RNF217: variants seen among roughly 807,000 people sequenced by gnomAD.
RNF217 encodes E3 ubiquitin-protein ligase RNF217.
In RNF217, 31 loss-of-function variants were observed where a neutral mutation model predicts 57.8. That is an observed-to-expected ratio of 0.54 (90% confidence interval 0.40 to 0.72). The LOEUF (loss-of-function observed/expected upper bound fraction) is 0.72, where lower values mean the gene tolerates loss of function less well. Ranked by LOEUF, RNF217 falls within the 30% of genes least tolerant of loss-of-function variation. RNF217 has a pLI of 0.00. For synonymous variants in RNF217, 313 were observed against 294.0 expected (o/e 1.06, Z -0.66); for missense variants, 696 against 708.3 (o/e 0.98, Z 0.20).
chr6:125,050,307 C>A (rs1354958279), intron 2 of RNF217, among the ~76,000 whole-genome samples: 2 of 151,884 alleles, frequency 1.3e-5, no homozygotes, highest in Non-Finnish European at 1.5e-5. Context: ...GACTAATAAT[C>A]CCCATTCTTC....
chr6:125,048,231 C>T (rs756658478), intron 2 of RNF217: 1 of 1,356,370 alleles, frequency 7.4e-7, no homozygotes, highest in South Asian at 1.2e-5. Flanking sequence ...TGTACTGAGA[C>T]TAAGATCTTT....
intron 2 of RNF217, among the ~76,000 whole-genome samples, chr6:125,048,948 A>G (rs1261879699): frequency 1.3e-5 from 2 of 152,056 alleles, no homozygotes; most frequent in African/African-American, 4.8e-5. Flanking sequence ...AGAGATTTAC[A>G]TTCAGACAAC....
intron 1 of RNF217, chr6:125,009,351 C>A: frequency 9.7e-7 from 1 of 1,029,378 alleles, no homozygotes; most frequent in Non-Finnish European, 1.5e-6. Context: ...CTTCAAAACA[C>A]CTCCTGTGAA....
chr6:125,025,090 A>G (rs77760169), intron 1 of RNF217, among the ~76,000 whole-genome samples: 1 of 152,142 alleles, frequency 6.6e-6, no homozygotes, highest in Non-Finnish European at 1.5e-5. Flanking sequence ...CAGGAATGTG[A>G]TGTGCTAGAG....
intron 3 of RNF217, among the ~76,000 whole-genome samples, chr6:125,060,533 C>T (rs1035979561): frequency 6.6e-6 from 1 of 152,144 alleles, no homozygotes; most frequent in Non-Finnish European, 1.5e-5. Flanking sequence ...CAACCTTCGC[C>T]TCCCAGGCTC....
intron 2 of RNF217, among the ~76,000 whole-genome samples, chr6:125,051,310 A>G (rs1278752517): frequency 6.6e-6 from 1 of 151,970 alleles, no homozygotes; most frequent in Non-Finnish European, 1.5e-5. Flanking sequence ...CACAATGAAC[A>G]AGTGAAGAAT....
chr6:125,082,764 G>A, intron 5 of RNF217, 100 bp from the exon 6 acceptor site: 1 of 1,125,276 alleles, frequency 8.9e-7, no homozygotes, highest in Non-Finnish European at 1.3e-6. Flanking sequence ...CTTCTTCTTT[G>A]TATGTTCGTA....
At chr6:125,034,853 T>C (rs1275182018) in intron 1 of RNF217, among the ~76,000 whole-genome samples, 1 of 152,116 alleles carries the variant, frequency 6.6e-6, no homozygotes, top group African/African-American at 2.4e-5. Context: ...TCCATTTGTT[T>C]GTATCCTCTT....
intron 2 of RNF217, among the ~76,000 whole-genome samples, chr6:125,053,234 A>G (rs1255666964): frequency 6.6e-6 from 1 of 152,064 alleles, no homozygotes; most frequent in African/African-American, 2.4e-5. Context: ...ATATGCCTTT[A>G]TAGCTCTTTT....
rs148133198 is a variant in RNF217 at position 125,040,422 on chromosome 6, C to T, written c.883-4789C>T. Among the ~76,000 whole-genome samples the T allele has an allele frequency of 2.2e-4, 33 of 152,236 alleles. No individual in the cohort carries two copies. In the East Asian group the frequency reaches 6.2e-3, roughly 29 times the overall value. ...GTTGAATCCCTGAATAGACCAATAA[C>T]AAGTTCTGAAATTGAGGCAGTAATT... On this transcript the variant is annotated intron_variant, in intron 1 of 5. Transcript: ENST00000521654.
chr6:124,973,692 AGTGAACTACT>A (rs1233259136), intron 1 of RNF217, among the ~76,000 whole-genome samples: 1 of 152,244 alleles, frequency 6.6e-6, no homozygotes, highest in Non-Finnish European at 1.5e-5. Flanking sequence ...GCATCAATCC[AGTGAACTACT>A]GTGGCCTGAG....
At chr6:125,019,505 T>C (rs976077501) in intron 1 of RNF217, among the ~76,000 whole-genome samples, 1 of 152,206 alleles carries the variant, frequency 6.6e-6, no homozygotes, top group Non-Finnish European at 1.5e-5. Context: ...GTTATTCTTA[T>C]ATGACTATTA....
chr6:125,076,907 G>A lies in RNF217; in HGVS notation c.1483+49G>A, dbSNP rs138920138. The A allele has an allele frequency of 9.4e-4, 1,422 of 1,513,928 alleles. 20 individuals are homozygous for A. In the African/African-American group the frequency reaches 0.017, roughly 19 times the overall value. The allele number at this position is 1,513,928 out of a possible 1,614,324, so 93.8% of individuals were successfully genotyped here. Reference sequence around the variant, plus strand: ...GTGTCTTCCCTGGGAATTAAGTAGTGAAAATAGAACTTGGAAATGTGCAGC... The same window carrying A: ...GTGTCTTCCCTGGGAATTAAGTAGTAAAAATAGAACTTGGAAATGTGCAGC... On this transcript the variant is annotated intron_variant, in intron 4 of 5. Coordinates refer to ENST00000521654, the MANE Select transcript of RNF217 (RefSeq NM_001286398.3).
intron 1 of RNF217, among the ~76,000 whole-genome samples, chr6:125,041,132 A>T (rs1225261823): frequency 3.3e-5 from 5 of 152,120 alleles, no homozygotes; most frequent in Non-Finnish European, 7.4e-5. Context: ...AATTAGCTTG[A>T]TTAATATATA....
Position 125,049,115 on chromosome 6 carries a change from G to A in RNF217, c.1116+3671G>A, listed in dbSNP as rs141088533. 2.0e-3 allele frequency among the ~76,000 whole-genome samples: 297 copies of A among 152,090 alleles called. 2 individuals are homozygous for A. The highest frequency in any genetic ancestry group is 6.8e-3 in the African/African-American group (281 of 41,524). On this transcript the variant is annotated intron_variant, in intron 2 of 5. Coordinates refer to ENST00000521654, the MANE Select transcript of RNF217 (RefSeq NM_001286398.3). The stretch of plus-strand genomic sequence containing the variant: ...AGAAATCTAATTTCTAACCTGAATA[G>A]TTCCTGTAATTTATCAGTGCAACAG...
chr6:125,057,407 C>T (rs949161141), intron 2 of RNF217, among the ~76,000 whole-genome samples: 4 of 152,136 alleles, frequency 2.6e-5, no homozygotes, highest in Non-Finnish European at 5.9e-5. Context: ...GGCTTTAACT[C>T]CTGACCTCAA....
At chr6:125,015,639 A>G (rs951191442) in intron 1 of RNF217, among the ~76,000 whole-genome samples, 2 of 151,948 alleles carry the variant, frequency 1.3e-5, no homozygotes, top group African/African-American at 4.8e-5. Context: ...TTATAATTGT[A>G]TATATATTGG....
chr6:124,995,476 A>T (rs1486909639), intron 1 of RNF217, among the ~76,000 whole-genome samples: 1 of 152,198 alleles, frequency 6.6e-6, no homozygotes, highest in African/African-American at 2.4e-5. Context: ...AAATGAAAAC[A>T]TTCTTTGTAT....
At chr6:124,967,600 A>C (rs1170945055) in intron 1 of RNF217, among the ~76,000 whole-genome samples, 2 of 152,184 alleles carry the variant, frequency 1.3e-5, no homozygotes, top group Non-Finnish European at 2.9e-5. Flanking sequence ...GTATTAATAG[A>C]TACAAGCAAC....
Sources: allele counts gnomAD v4.1 joint callset (sites outside exome capture counted in the v4.1 genomes callset), GRCh38; gene constraint gnomAD v4.1.1; transcripts MANE v1.5; gene names NCBI Gene and HGNC (gene_info 2026-07-23, HGNC 2026-07-21).